The following ASXL2 variants were observed in gnomAD, a reference collection of about 807,000 sequenced individuals.
ASXL2 encodes the protein putative Polycomb group protein ASXL2.
Under a neutral mutation model 122.0 loss-of-function variants are expected in ASXL2, and 23 were observed. The observed-to-expected ratio is 0.19, with a 90% CI of 0.14 to 0.27. ASXL2 has a LOEUF of 0.27. Ranked by LOEUF, ASXL2 falls within the 10% of genes least tolerant of loss-of-function variation. The pLI is 1.00. For synonymous variants in ASXL2, 650 were observed against 637.0 expected, an observed-to-expected ratio of 1.02 and a Z score of -0.31; for missense variants, 1,518 against 1,713.8, an observed-to-expected ratio of 0.89 and a Z score of 2.02.
At chr2:25,767,888 AC>A (rs1461680577) in intron 7 of ASXL2, among the ~76,000 whole-genome samples, 162 bp from the exon 8 acceptor site, 1 of 152,094 alleles carries the variant, frequency 6.6e-6, no homozygotes, top group Non-Finnish European at 1.5e-5. Context: ...GTAAAATAAA[AC>A]CCTGTTTTTC....
chr2:25,743,741 G>A lies in ASXL2; in HGVS notation c.2596C>T (p.Pro866Ser), dbSNP rs2087887349. 3 of 1,613,872 alleles carry A rather than the reference G, an allele frequency of 1.9e-6. No homozygotes were observed. The highest frequency in any genetic ancestry group is 1.6e-4 in the Middle Eastern group (1 of 6,084). ...GTCTTTGATGAGGCTGAAGGGTTAG[G>A]TATATTCTTACTAGGACCTGCTTTG... Reference protein sequence around the residue: ...ELKAGPSKNIPNPSASSKTDA... With the variant: ...ELKAGPSKNISNPSASSKTDA... The change falls in exon 13 of 13, where the codon CCT becomes TCT. Residue 866 changes from proline (P) to serine (S), a missense_variant. By Grantham distance (74) the Pro-to-Ser change is moderately conservative. Around this residue, in one of 8 missense-constraint regions of ASXL2, gnomAD observed 831 missense variants for 833.1 expected, o/e 1.00. Coordinates refer to ENST00000435504, the MANE Select transcript of ASXL2 (RefSeq NM_018263.6).
intron 5 of ASXL2, among the ~76,000 whole-genome samples, chr2:25,798,894 G>T (rs183206569): frequency 2.0e-5 from 3 of 152,266 alleles, no homozygotes; most frequent in Non-Finnish European, 2.9e-5. Context: ...TTATACATTT[G>T]TTCAAAGCCA....
intron 5 of ASXL2, among the ~76,000 whole-genome samples, chr2:25,780,850 G>A (rs1265243105): frequency 6.6e-6 from 1 of 151,968 alleles, no homozygotes; most frequent in Non-Finnish European, 1.5e-5. Context: ...CACTTTGGGA[G>A]GCCGAGGTGG....
intron 1 of ASXL2, among the ~76,000 whole-genome samples, chr2:25,847,177 T>A (rs2089659338): frequency 6.6e-6 from 1 of 152,226 alleles, no homozygotes; most frequent in Admixed American, 6.5e-5. Context: ...CACTATAGCA[T>A]GCTGTGTCCA....
Position 25,844,298 on chromosome 2 carries a change from T to TG in ASXL2, c.140+1182dup, listed in dbSNP as rs564511645. On this transcript the variant is annotated intron_variant, in intron 2 of 12. Coordinates refer to ENST00000435504, the MANE Select transcript of ASXL2 (RefSeq NM_018263.6). ...AGTCTTGATTAAGAACACTGACTAT[T>TG]GGCCAGGCATGGTGACTCATGCCTG... is the stretch of plus-strand genomic sequence containing the variant. 7.9e-5 allele frequency among the ~76,000 whole-genome samples: 12 copies of TG among 152,252 alleles called. No homozygotes were observed. The South Asian group carries it at 2.5e-3, about 32-fold the overall frequency.
At chr2:25,816,695 GCAAGC>G (rs2089240302) in intron 3 of ASXL2, among the ~76,000 whole-genome samples, 2 of 152,144 alleles carry the variant, frequency 1.3e-5, no homozygotes, top group Non-Finnish European at 2.9e-5. Context: ...GACCAATAAA[GCAAGC>G]ACTATATAAT....
Position 25,767,145 on chromosome 2 carries a change from TAG to T in ASXL2, c.775+436_775+437del, listed in dbSNP as rs558245553. Among the ~76,000 whole-genome samples the T allele has an allele frequency of 3.0e-4, 45 of 152,330 alleles. No homozygotes were observed. In the South Asian group the frequency reaches 9.1e-3, roughly 31 times the overall value. The stretch of plus-strand genomic sequence containing the variant: ...CATTTCAGTGGGATTTCAAAAGGAA[TAG>T]AGAGAAGAAATTTCAGTCTGTCATA... On this transcript the variant is annotated intron_variant, in intron 8 of 12. Transcript: ENST00000435504.
chr2:25,826,762 T>G (rs1423465465), intron 3 of ASXL2, among the ~76,000 whole-genome samples: 1 of 68,088 alleles, frequency 1.5e-5, no homozygotes, highest in African/African-American at 5.7e-5. Context: ...ACTTTCAAGG[T>G]AAAAAAAAAA....
At chr2:25,788,740 C>A (rs2088787358) in intron 5 of ASXL2, among the ~76,000 whole-genome samples, 1 of 152,100 alleles carries the variant, frequency 6.6e-6, no homozygotes, top group Admixed American at 6.6e-5. Context: ...CTTCTTTGTG[C>A]AATGCTTGTT....
intron 7 of ASXL2, 35 bp downstream of exon 7, chr2:25,768,707 G>C: frequency 6.3e-7 from 1 of 1,595,550 alleles, no homozygotes; most frequent in Non-Finnish European, 8.5e-7. Context: ...CTAGGAAAAA[G>C]AAACTTCCAT....
intron 3 of ASXL2, among the ~76,000 whole-genome samples, chr2:25,809,067 T>A (rs371974454): frequency 2.0e-5 from 3 of 152,200 alleles, no homozygotes; most frequent in Admixed American, 2.0e-4. Flanking sequence ...TACAATGAGA[T>A]AGCACTTTTA....
intron 1 of ASXL2, among the ~76,000 whole-genome samples, chr2:25,868,793 C>T (rs1200941292): frequency 1.3e-5 from 2 of 152,114 alleles, no homozygotes; most frequent in African/African-American, 4.8e-5. Flanking sequence ...TTTTAGGAGG[C>T]CAATAGGAGA....
chr2:25,789,116 T>C (rs2088791855), intron 5 of ASXL2, among the ~76,000 whole-genome samples: 1 of 152,168 alleles, frequency 6.6e-6, no homozygotes, highest in Non-Finnish European at 1.5e-5. Flanking sequence ...TAGGATTCCA[T>C]TGAATCTATA....
chr2:25,747,668 A>G (rs1440333111), intron 12 of ASXL2, among the ~76,000 whole-genome samples: 1 of 152,246 alleles, frequency 6.6e-6, no homozygotes, highest in Non-Finnish European at 1.5e-5. Flanking sequence ...CAACATTTAT[A>G]GCAAAACCTA....
At chr2:25,796,265 A>G (rs183594392) in intron 5 of ASXL2, among the ~76,000 whole-genome samples, 1 of 152,346 alleles carries the variant, frequency 6.6e-6, no homozygotes, top group East Asian at 1.9e-4. Context: ...ACATAACCTG[A>G]GCTTCTAGCT....
At chr2:25,771,128 T>C (rs979546751) in intron 6 of ASXL2, among the ~76,000 whole-genome samples, 11 of 152,036 alleles carry the variant, frequency 7.2e-5, no homozygotes, top group African/African-American at 2.7e-4. Context: ...CCCAGCTACT[T>C]GGGAGGCTGA....
chr2:25,809,073 T>C (rs538440974), intron 3 of ASXL2, among the ~76,000 whole-genome samples: 10 of 152,300 alleles, frequency 6.6e-5, no homozygotes, highest in African/African-American at 2.4e-4. Context: ...GAGATAGCAC[T>C]TTTAGAGAGA....
At chr2:25,846,493 C>G (rs2089650902) in intron 1 of ASXL2, among the ~76,000 whole-genome samples, 1 of 152,036 alleles carries the variant, frequency 6.6e-6, no homozygotes, top group African/African-American at 2.4e-5. Flanking sequence ...ACTGAAAATA[C>G]AAAAATTAGT....
At chr2:25,792,600 ATTT>A (rs1206801088) in intron 5 of ASXL2, among the ~76,000 whole-genome samples, 1 of 151,894 alleles carries the variant, frequency 6.6e-6, no homozygotes, top group Non-Finnish European at 1.5e-5. Context: ...CTAGTAAATA[ATTT>A]TTTTCTTTTT....
Sources: gnomAD v4.1 joint callset for allele counts (sites outside exome capture counted in the v4.1 genomes callset) on GRCh38, gnomAD v4.1.1 for gene constraint, gnomAD v4.1.1 regional missense constraint, MANE v1.5 for transcripts, NCBI Gene and HGNC (gene_info 2026-07-23, HGNC 2026-07-21) for gene names.